NDUFA2: variants seen among roughly 807,000 people sequenced by gnomAD.
NDUFA2 encodes the protein NADH:ubiquinone oxidoreductase subunit A2.
Under a neutral mutation model 11.4 loss-of-function variants are expected in NDUFA2, and 9 were observed. The ratio of observed to expected loss-of-function variants is 0.79; its 90% CI spans 0.48 to 1.38. The LOEUF (loss-of-function observed/expected upper bound fraction) is 1.38, where lower values mean the gene tolerates loss of function less well. Ranked by LOEUF, NDUFA2 falls within the 40% of genes most tolerant of loss-of-function variation. The pLI, the probability that NDUFA2 is intolerant of heterozygous loss-of-function variation, is 0.00. For missense variants in NDUFA2, 150 were observed against 131.2 expected, an observed-to-expected ratio of 1.14 and a Z score of -0.70; for synonymous variants, 49 against 54.0, an observed-to-expected ratio of 0.91 and a Z score of 0.41.
chr5:140,647,209 C>A, intron 2 of NDUFA2, 47 bp downstream of exon 2: 2 of 1,517,090 alleles, frequency 1.3e-6, no homozygotes, highest in South Asian at 2.7e-5. Flanking sequence ...CTTCTCAAAC[C>A]CTTGTTCCCC....
Position 140,647,499 on chromosome 5 carries a change from C to G in NDUFA2, c.85G>C (p.Gly29Arg). 3 of 1,612,478 alleles carry G rather than the reference C, an allele frequency of 1.9e-6. No homozygotes were observed. The highest frequency in any genetic ancestry group is 1.1e-5 in the South Asian group (1 of 91,082). ...IRIHLCQRSP[G>R]SQGVRDFIEK... ...GCGCCTCACCTGACGCCCTGGCTGC[C>G]GGGCGAGCGCTGACATAAGTGGATG... The change falls in exon 1 of 3, where the codon GGC (glycine) becomes CGC (arginine). Residue 29 changes from glycine to arginine, a missense_variant. Coordinates refer to ENST00000252102, the MANE Select transcript of NDUFA2 (RefSeq NM_002488.5).
In NDUFA2 at chr5:140,647,327, T is replaced by C; in HGVS notation, c.137A>G (p.Lys46Arg). ...FIEKRYVELKKANPDLPILIR... is the reference protein window; with the variant it reads ...FIEKRYVELKRANPDLPILIR... ...TAGGATGGGTAGGTCGGGATTCGCC[T>C]TCTTCAGCTCCACGTAGCGTTTCTC... Residue 46 changes from lysine to arginine, a missense_variant, in exon 2 of 3, where the codon AAG (lysine) becomes AGG (arginine). Coordinates refer to ENST00000252102, the MANE Select transcript of NDUFA2 (RefSeq NM_002488.5). 1 of 1,603,080 alleles carries C rather than the reference T, an allele frequency of 6.2e-7. No homozygotes were observed. Among genetic ancestry groups the C allele is most frequent in the South Asian group, 1.1e-5 (1 of 90,062 alleles).
chr5:140,647,419 A>C, intron 1 of NDUFA2, 57 bp from the exon 2 acceptor site: 1 of 1,610,178 alleles, frequency 6.2e-7, no homozygotes, highest in South Asian at 1.1e-5. Context: ...CCTCAACTTC[A>C]GGGAGGTCGA....
At chr5:140,647,431 G>A (rs774681546) in intron 1 of NDUFA2, 52 bp downstream of exon 1, 3 of 1,609,404 alleles carry the variant, frequency 1.9e-6, no homozygotes, top group Admixed American at 3.3e-5. Flanking sequence ...GGAGGTCGAG[G>A]TCGTGACCCT....
rs1201432218 is a variant in NDUFA2 at position 140,647,302 on chromosome 5, T to G, written c.162A>C (p.Leu54=). 3.8e-6 allele frequency: 6 copies of G among 1,583,542 alleles called. No homozygotes were observed. The highest frequency in any genetic ancestry group is 4.3e-6 in the Non-Finnish European group (5 of 1,162,320). ...LKKANPDLPI[L]IRECSDVQPK... The stretch of plus-strand genomic sequence containing the variant: ...GCTGCACATCGGAGCATTCGCGGAT[T>G]AGGATGGGTAGGTCGGGATTCGCCT... Residue 54 remains leucine, a synonymous_variant, in exon 2 of 3, where the codon CTA becomes CTC. Coordinates refer to ENST00000252102, the MANE Select transcript of NDUFA2 (RefSeq NM_002488.5).
Position 140,645,686 on chromosome 5 carries a change from G to C in NDUFA2, c.209-8C>G, listed in dbSNP as rs373000875. ...TCGTCTCTTGGCCAAATGCTGAAGA[G>C]AGAGAGGGAGGTGTCTTTAACTATT... On this transcript the variant is annotated splice_polypyrimidine_tract_variant and splice_region_variant and intron_variant, in intron 2 of 2. Transcript: ENST00000252102. 13 of 1,614,098 alleles carry C rather than the reference G, an allele frequency of 8.1e-6. No individual in the cohort carries two copies. The African/African-American group carries it at 1.6e-4, about 20-fold the overall frequency.
rs1254988594 is a variant in NDUFA2, at chr5:140,647,529, T to C, written c.55A>G (p.Ile19Val). 1.2e-6 allele frequency: 2 copies of C among 1,612,396 alleles called. No individual in the cohort carries two copies. The highest frequency in any genetic ancestry group is 1.7e-6 in the Non-Finnish European group (2 of 1,180,026). The change falls in exon 1 of 3, where the codon ATT becomes GTT. Residue 19 changes from isoleucine to valine, a missense_variant. By Grantham distance (29) the Ile-to-Val change is conservative. Coordinates refer to ENST00000252102, the MANE Select transcript of NDUFA2 (RefSeq NM_002488.5). The part of the protein sequence containing the change: ...GVGAKLGLRE[I>V]RIHLCQRSPG... ...GAGCGCTGACATAAGTGGATGCGAA[T>C]CTCACGCAGGCCCAGCTTTGCCCCG...
chr5:140,646,664 C>T (rs1220854391), intron 2 of NDUFA2, among the ~76,000 whole-genome samples: 1 of 152,092 alleles, frequency 6.6e-6, no homozygotes. Flanking sequence ...CAATACATTG[C>T]CATGCCAGTC....
intron 2 of NDUFA2, 88 bp from the exon 3 acceptor site, chr5:140,645,766 C>T (rs1338150743): frequency 7.6e-6 from 12 of 1,586,606 alleles, no homozygotes; most frequent in Admixed American, 3.5e-5. Flanking sequence ...TTATCTTAGT[C>T]TTGTTAAGAC....
Position 140,647,470 on chromosome 5 carries a change from C to T in NDUFA2, c.101+13G>A. 1 of 1,611,700 alleles carries T rather than the reference C, an allele frequency of 6.2e-7. No individual in the cohort carries two copies. The highest frequency in any genetic ancestry group is 1.1e-5 in the South Asian group (1 of 91,036). The stretch of plus-strand genomic sequence containing the variant: ...GTCCCGAAGCCCGCCCGCCTCACCA[C>T]GCCGCGCCTCACCTGACGCCCTGGC... On this transcript the variant is annotated intron_variant, in intron 1 of 2. Transcript: ENST00000252102.
rs773021648 is a variant in NDUFA2 at position 140,645,515 on chromosome 5, T to A, written c.*72A>T. 6.3e-7 allele frequency: 1 copy of A among 1,584,730 alleles called. No homozygotes were observed. Among genetic ancestry groups the A allele is most frequent in the Non-Finnish European group, 8.6e-7 (1 of 1,156,144 alleles). ...CTTTATGAGGAATAGGAGAACACAT[T>A]TTTTTCACATTATACTAAGTCCAGC... On this transcript the variant is annotated 3_prime_UTR_variant, in exon 3 of 3. Coordinates refer to ENST00000252102, the MANE Select transcript of NDUFA2 (RefSeq NM_002488.5).
intron 2 of NDUFA2, 82 bp downstream of exon 2, chr5:140,647,174 T>C: frequency 2.1e-6 from 3 of 1,425,446 alleles, no homozygotes; most frequent in Non-Finnish European, 2.8e-6. Context: ...CACGGGTTTC[T>C]GCACGACCTT....
Position 140,645,308 on chromosome 5 carries a change from G to A in NDUFA2, c.*279C>T. 1.4e-6 allele frequency: 1 copy of A among 719,108 alleles called. No homozygotes were observed. The allele number at this position is 719,108 out of a possible 1,614,324, so 44.5% of individuals were successfully genotyped here. ...GGACTCAGTGTGGTCTACTTACTCT[G>A]GGGCCCTAGAATCCCTGCCCCCCCG... On this transcript the variant is annotated 3_prime_UTR_variant, in exon 3 of 3. Transcript: ENST00000252102.
chr5:140,645,303 A>C lies in NDUFA2; in HGVS notation c.*284T>G, dbSNP rs1581472802. 1 of 716,408 alleles carries C rather than the reference A, an allele frequency of 1.4e-6. No individual in the cohort carries two copies. Among genetic ancestry groups the C allele is most frequent in the South Asian group, 1.6e-5 (1 of 62,162 alleles). The allele number at this position is 716,408 out of a possible 1,614,324, so 44.4% of individuals were successfully genotyped here. A position where few individuals can be genotyped will look rare whatever the true frequency, so the allele number is the denominator to read the frequency against. On this transcript the variant is annotated 3_prime_UTR_variant, in exon 3 of 3. Coordinates refer to ENST00000252102, the MANE Select transcript of NDUFA2 (RefSeq NM_002488.5). ...AAAAGGGACTCAGTGTGGTCTACTTACTCTGGGGCCCTAGAATCCCTGCCC... is the reference window on the plus strand; with the variant it reads ...AAAAGGGACTCAGTGTGGTCTACTTCCTCTGGGGCCCTAGAATCCCTGCCC...
chr5:140,645,851 T>A, intron 2 of NDUFA2, 173 bp from the exon 3 acceptor site: 1 of 1,178,200 alleles, frequency 8.5e-7, no homozygotes, highest in Non-Finnish European at 1.2e-6. Context: ...CTCAAACACA[T>A]CTAGGAAGCC....
intron 2 of NDUFA2, among the ~76,000 whole-genome samples, chr5:140,646,776 G>A (rs111410731): frequency 5.3e-5 from 8 of 152,218 alleles, no homozygotes; most frequent in African/African-American, 1.4e-4. Context: ...TAACAATAGT[G>A]CAAAACAAAG....
Position 140,645,437 on chromosome 5 carries a change from G to T in NDUFA2, c.*150C>A. 9.9e-7 allele frequency: 1 copy of T among 1,012,502 alleles called. No homozygotes were observed. Among genetic ancestry groups the T allele is most frequent in the Non-Finnish European group, 1.5e-6 (1 of 665,006 alleles). The allele number at this position is 1,012,502 out of a possible 1,614,324, so 62.7% of individuals were successfully genotyped here. On this transcript the variant is annotated 3_prime_UTR_variant, in exon 3 of 3. Coordinates refer to ENST00000252102, the MANE Select transcript of NDUFA2 (RefSeq NM_002488.5). ...TGCCTCAGTGGTTGCACAGTAAGGG[G>T]TAGAGGGTAGATGAGGACAAGAACA...
In NDUFA2 at chr5:140,647,507, C is replaced by G. The variant is rs1757474834; in HGVS notation, c.77G>C (p.Arg26Pro). Residue 26 changes from arginine to proline, a missense_variant, in exon 1 of 3, where the codon CGC becomes CCC. Transcript: ENST00000252102. ...CCTGACGCCCTGGCTGCCGGGCGAG[C>G]GCTGACATAAGTGGATGCGAATCTC... ...LREIRIHLCQ[R>P]SPGSQGVRDF... 3 of 1,612,506 alleles carry G rather than the reference C, an allele frequency of 1.9e-6. No homozygotes were observed. In the East Asian group the frequency reaches 6.7e-5, roughly 36 times the overall value.
Position 140,647,330 on chromosome 5 carries a change from T to G in NDUFA2, c.134A>C (p.Lys45Thr), listed in dbSNP as rs757982865. The G allele has an allele frequency of 6.2e-7, 1 of 1,605,224 alleles. No individual in the cohort carries two copies. Among genetic ancestry groups the G allele is most frequent in the South Asian group, 1.1e-5 (1 of 90,254 alleles). ...DFIEKRYVELKKANPDLPILI... is the reference protein window; with the variant it reads ...DFIEKRYVELTKANPDLPILI... ...GATGGGTAGGTCGGGATTCGCCTTC[T>G]TCAGCTCCACGTAGCGTTTCTCAAT... The change falls in exon 2 of 3, where the codon AAG (lysine) becomes ACG (threonine). Residue 45 changes from lysine to threonine, a missense_variant. Physicochemically the swap from Lys to Thr is moderately conservative, Grantham distance 78. Coordinates refer to ENST00000252102, the MANE Select transcript of NDUFA2 (RefSeq NM_002488.5).
Sources: gnomAD v4.1 joint callset for allele counts (sites outside exome capture counted in the v4.1 genomes callset) on GRCh38, gnomAD v4.1.1 for gene constraint, MANE v1.5 for transcripts, NCBI Gene and HGNC (gene_info 2026-07-23, HGNC 2026-07-21) for gene names.